NTM: variants seen among roughly 807,000 people sequenced by gnomAD.
The protein encoded by NTM is IgLON family member 2.
In NTM, 13 loss-of-function variants were observed where a neutral mutation model predicts 42.1. The ratio of observed to expected loss-of-function variants is 0.31; its 90% CI spans 0.20 to 0.49. The LOEUF is 0.49. NTM is among the 20% of genes least tolerant of loss of function. NTM has a pLI of 0.99. For missense variants in NTM, 373 were observed against 452.8 expected, an observed-to-expected ratio of 0.82 and a Z score of 1.60; for synonymous variants, 187 against 179.2, an observed-to-expected ratio of 1.04 and a Z score of -0.35.
intron 2 of NTM, among the ~76,000 whole-genome samples, chr11:131,991,374 C>T (rs2066992579): frequency 6.6e-6 from 1 of 152,006 alleles, no homozygotes; most frequent in African/African-American, 2.4e-5. Flanking sequence ...TCCTTTTCTC[C>T]CTTTGACATC....
At chr11:131,700,883 T>C (rs1352663388) in intron 1 of NTM, among the ~76,000 whole-genome samples, 4 of 152,216 alleles carry the variant, frequency 2.6e-5, no homozygotes, top group East Asian at 1.9e-4. Context: ...AGAAGTAGCA[T>C]CATGTAGTGG....
At chr11:132,081,790 A>T (rs1311146149) in intron 2 of NTM, among the ~76,000 whole-genome samples, 1 of 151,638 alleles carries the variant, frequency 6.6e-6, no homozygotes, top group East Asian at 1.9e-4. Context: ...ATGAAGTAAT[A>T]GCTTTCAAAG....
intron 1 of NTM, among the ~76,000 whole-genome samples, chr11:131,907,869 G>A (rs1030779772): frequency 6.6e-6 from 1 of 152,174 alleles, no homozygotes; most frequent in Non-Finnish European, 1.5e-5. Context: ...CATATTTAGG[G>A]ATTAAGGGCT....
chr11:131,456,719 A>G (rs1370118746), intron 1 of NTM, among the ~76,000 whole-genome samples: 1 of 152,228 alleles, frequency 6.6e-6, no homozygotes, highest in African/African-American at 2.4e-5. Flanking sequence ...GTCTACTCGT[A>G]AGGGCTTGTG....
At chr11:131,491,329 G>T (rs1954764950) in intron 1 of NTM, among the ~76,000 whole-genome samples, 1 of 152,028 alleles carries the variant, frequency 6.6e-6, no homozygotes, top group Admixed American at 6.6e-5. Flanking sequence ...ATATAGCTAA[G>T]AATATAGGAA....
At chr11:131,527,111 C>T (rs1043081009) in intron 1 of NTM, among the ~76,000 whole-genome samples, 1 of 152,168 alleles carries the variant, frequency 6.6e-6, no homozygotes, top group African/African-American at 2.4e-5. Flanking sequence ...GAACTTTGCC[C>T]ACACTGTGTC....
At chr11:132,099,777 G>A (rs141364255) in intron 2 of NTM, among the ~76,000 whole-genome samples, 1 of 152,284 alleles carries the variant, frequency 6.6e-6, no homozygotes, top group Non-Finnish European at 1.5e-5. Flanking sequence ...TGTACCCTTT[G>A]AGGAGAAGGT....
intron 1 of NTM, among the ~76,000 whole-genome samples, chr11:131,909,293 C>T (rs891623736): frequency 6.6e-5 from 10 of 152,062 alleles, no homozygotes; most frequent in Admixed American, 5.2e-4. Context: ...TGTTTGTGTC[C>T]TCTCCAACGT....
chr11:132,028,133 A>C lies in NTM; in HGVS notation c.167+116485A>C, dbSNP rs562552111. Among the ~76,000 whole-genome samples, 31 of 150,764 alleles carry C rather than the reference A, an allele frequency of 2.1e-4. No individual in the cohort carries two copies. The South Asian group carries it at 6.3e-3, about 31-fold the overall frequency. On this transcript the variant is annotated intron_variant, in intron 2 of 8. Coordinates refer to ENST00000683400, the MANE Select transcript of NTM (RefSeq NM_001352005.2). ...TCCTTGCAAGTTGTCTGCTTTTTCCATTAGAACTCTTAGCATATTATTCAT... is the reference window on the plus strand; with the variant it reads ...TCCTTGCAAGTTGTCTGCTTTTTCCCTTAGAACTCTTAGCATATTATTCAT...
At chr11:131,503,972 A>G (rs1464124913) in intron 1 of NTM, among the ~76,000 whole-genome samples, 2 of 152,172 alleles carry the variant, frequency 1.3e-5, no homozygotes, top group African/African-American at 4.8e-5. Flanking sequence ...TAGTGCTTTA[A>G]GGCCAGGCGG....
chr11:131,744,573 A>G (rs2081569148), intron 1 of NTM, among the ~76,000 whole-genome samples: 1 of 152,184 alleles, frequency 6.6e-6, no homozygotes, highest in Non-Finnish European at 1.5e-5. Context: ...AAAGGAAGAA[A>G]GAAGAAGTCT....
intron 2 of NTM, among the ~76,000 whole-genome samples, chr11:131,937,219 C>T (rs2059320607): frequency 1.3e-5 from 2 of 152,150 alleles, no homozygotes; most frequent in Non-Finnish European, 2.9e-5. Flanking sequence ...TTAATACCCT[C>T]TTAGCAGTTA....
At chr11:132,220,601 A>G (rs1261950541) in intron 4 of NTM, among the ~76,000 whole-genome samples, 2 of 152,288 alleles carry the variant, frequency 1.3e-5, no homozygotes, top group Middle Eastern at 3.4e-3. Flanking sequence ...AGTGCATACC[A>G]CAGACACTGT....
intron 1 of NTM, among the ~76,000 whole-genome samples, chr11:131,898,858 C>A (rs1032255107): frequency 6.6e-6 from 1 of 152,210 alleles, no homozygotes; most frequent in Non-Finnish European, 1.5e-5. Flanking sequence ...CCCCCACCTT[C>A]TGTTGAGGCC....
At chr11:132,232,452 T>C (rs1354313378) in intron 4 of NTM, among the ~76,000 whole-genome samples, 2 of 152,110 alleles carry the variant, frequency 1.3e-5, no homozygotes, top group African/African-American at 4.8e-5. Flanking sequence ...TGGTCTACAC[T>C]TGGGTGAGGA....
At chr11:131,622,494 G>C (rs570589180) in intron 1 of NTM, among the ~76,000 whole-genome samples, 1 of 152,228 alleles carries the variant, frequency 6.6e-6, no homozygotes, top group African/African-American at 2.4e-5. Context: ...TACTTGAAAA[G>C]TTAATTCATT....
At chr11:131,544,516 AT>A (rs995115330) in intron 1 of NTM, among the ~76,000 whole-genome samples, 3 of 149,854 alleles carry the variant, frequency 2.0e-5, no homozygotes, top group Admixed American at 6.6e-5. Context: ...ATCCCTAGAT[AT>A]TTTTTTTTTC....
chr11:132,231,829 G>C (rs1328583685), intron 4 of NTM, among the ~76,000 whole-genome samples: 1 of 150,990 alleles, frequency 6.6e-6, no homozygotes, highest in Non-Finnish European at 1.5e-5. Flanking sequence ...CACAGGCCTT[G>C]ATAATATCAA....
At chr11:131,821,541 G>C (rs1406757605) in intron 1 of NTM, among the ~76,000 whole-genome samples, 1 of 152,208 alleles carries the variant, frequency 6.6e-6, no homozygotes, top group African/African-American at 2.4e-5. Flanking sequence ...CTCAGATGCT[G>C]TCTCCTCATC....
Sources: gnomAD v4.1 joint callset for allele counts (sites outside exome capture counted in the v4.1 genomes callset) on GRCh38, gnomAD v4.1.1 for gene constraint, MANE v1.5 for transcripts, NCBI Gene and HGNC (gene_info 2026-07-23, HGNC 2026-07-21) for gene names.